Variants in CFAP299 observed in about 807,000 individuals in gnomAD.
CFAP299 encodes cilia and flagella associated protein 299.
Under a neutral mutation model 27.0 loss-of-function variants are expected in CFAP299, and 21 were observed. The ratio of observed to expected loss-of-function variants is 0.78; its 90% CI spans 0.55 to 1.12. The LOEUF is 1.12. Ranked by LOEUF, CFAP299 falls within the 50% of genes most tolerant of loss-of-function variation. The pLI, the probability that CFAP299 is intolerant of heterozygous loss-of-function variation, is 0.00. For synonymous variants in CFAP299, 104 were observed against 98.1 expected (o/e 1.06, Z -0.36); for missense variants, 310 against 276.6 (o/e 1.12, Z -0.86).
At chr4:80,807,332 C>T (rs1254433749) in intron 3 of CFAP299, among the ~76,000 whole-genome samples, 5 of 151,998 alleles carry the variant, frequency 3.3e-5, no homozygotes, top group African/African-American at 1.2e-4. Flanking sequence ...ACAACCATTT[C>T]ATGAATCACA....
At chr4:80,611,528 A>G (rs973559912) in intron 3 of CFAP299, among the ~76,000 whole-genome samples, 2 of 152,076 alleles carry the variant, frequency 1.3e-5, no homozygotes, top group Non-Finnish European at 1.5e-5. Flanking sequence ...GTGGTTGCCC[A>G]TAATACCATA....
chr4:80,386,705 G>A, intron 2 of CFAP299: 3 of 1,575,158 alleles, frequency 1.9e-6, no homozygotes, highest in Non-Finnish European at 2.6e-6. Context: ...GCTGCACAGG[G>A]CGCATTTGTG....
intron 3 of CFAP299, among the ~76,000 whole-genome samples, chr4:80,731,894 T>C (rs867959764): frequency 6.6e-6 from 1 of 152,198 alleles, no homozygotes; most frequent in African/African-American, 2.4e-5. Flanking sequence ...CTGATTTGTT[T>C]TTATAATCCA....
chr4:80,368,090 A>T (rs569729662), intron 2 of CFAP299, among the ~76,000 whole-genome samples: 2 of 152,288 alleles, frequency 1.3e-5, no homozygotes, highest in South Asian at 4.1e-4. Flanking sequence ...TGAGATAATG[A>T]CCTTATTTTG....
chr4:80,657,710 G>A (rs908817561), intron 3 of CFAP299, among the ~76,000 whole-genome samples: 8 of 152,008 alleles, frequency 5.3e-5, no homozygotes, highest in Admixed American at 2.6e-4. Flanking sequence ...TTGCTAGATG[G>A]GCTCTTTTTT....
chr4:80,857,540 G>C (rs1731994175), intron 3 of CFAP299, among the ~76,000 whole-genome samples: 2 of 152,106 alleles, frequency 1.3e-5, no homozygotes, highest in Non-Finnish European at 2.9e-5. Context: ...TTGGCTGTTG[G>C]TTTGTCATAG....
chr4:80,488,755 C>T (rs953186172), intron 2 of CFAP299, among the ~76,000 whole-genome samples: 10 of 152,136 alleles, frequency 6.6e-5, no homozygotes, highest in African/African-American at 1.7e-4. Context: ...GGATTACAGG[C>T]GTGAGCCACC....
intron 3 of CFAP299, among the ~76,000 whole-genome samples, chr4:80,667,754 G>A (rs1366911818): frequency 1.3e-5 from 2 of 151,960 alleles, no homozygotes; most frequent in Middle Eastern, 3.2e-3. Flanking sequence ...CTATATTTTG[G>A]CTGTTGTGAA....
intron 4 of CFAP299, among the ~76,000 whole-genome samples, chr4:80,924,532 GTGTGTGTA>G (rs1444007331): frequency 0.035 from 5,037 of 142,148 alleles, 263 homozygotes; most frequent in African/African-American, 0.12. Flanking sequence ...GTGTGTGTGT[GTGTGTGTA>G]TATATATATA....
At chr4:80,692,195 CTTAAAGT>C (rs1476203205) in intron 3 of CFAP299, among the ~76,000 whole-genome samples, 1 of 152,202 alleles carries the variant, frequency 6.6e-6, no homozygotes, top group East Asian at 1.9e-4. Context: ...GAAAAACTAC[CTTAAAGT>C]TTATATGGCA....
At chr4:80,848,243 T>G (rs75454213) in intron 3 of CFAP299, among the ~76,000 whole-genome samples, 47 of 151,758 alleles carry the variant, frequency 3.1e-4, no homozygotes, top group African/African-American at 1.0e-3. Context: ...TTGATAAACA[T>G]ATGCTGTCCA....
chr4:80,565,528 A>T (rs1236162444), intron 2 of CFAP299, among the ~76,000 whole-genome samples: 1 of 152,102 alleles, frequency 6.6e-6, no homozygotes, highest in Admixed American at 6.6e-5. Context: ...AACTTCTGTA[A>T]ATCTTAAGTT....
chr4:80,709,229 C>A lies in CFAP299; in HGVS notation c.333+126046C>A, dbSNP rs187283404. Among the ~76,000 whole-genome samples the A allele has an allele frequency of 5.0e-3, 768 of 152,102 alleles. 4 individuals are homozygous for A. The highest frequency in any genetic ancestry group is 0.02 in the Middle Eastern group (6 of 294). On this transcript the variant is annotated intron_variant, in intron 3 of 5. Coordinates refer to ENST00000358105, the MANE Select transcript of CFAP299 (RefSeq NM_152770.3). ...TTTTTTATTCACCCACATGTTTTAC[C>A]TTTGTAAAGGATGTGGCTTCTTTGA...
rs117377403 is a variant in CFAP299 at position 80,575,035 on chromosome 4, G to A, written c.243-8058G>A. ...TTTTCAGAATAGTTTGAGTAGGATT[G>A]GTATTTGTTGTTCTTTAAATGTGTG... On this transcript the variant is annotated intron_variant, in intron 2 of 5. Coordinates refer to ENST00000358105, the MANE Select transcript of CFAP299 (RefSeq NM_152770.3). Among the ~76,000 whole-genome samples, 670 of 152,136 alleles carry A rather than the reference G, an allele frequency of 4.4e-3. 29 individuals carry two copies. In the East Asian group the frequency reaches 0.099, roughly 23 times the overall value.
At chr4:80,483,131 G>A (rs553300686) in intron 2 of CFAP299, among the ~76,000 whole-genome samples, 5 of 152,316 alleles carry the variant, frequency 3.3e-5, no homozygotes, top group Admixed American at 1.3e-4. Context: ...TGGAGGAGGG[G>A]GGCAGAAAAA....
chr4:80,533,001 T>G (rs1733551344), intron 2 of CFAP299, among the ~76,000 whole-genome samples: 1 of 152,284 alleles, frequency 6.6e-6, no homozygotes, highest in Non-Finnish European at 1.5e-5. Context: ...TCTTGATAAT[T>G]TATTGTTTTT....
intron 3 of CFAP299, among the ~76,000 whole-genome samples, chr4:80,716,214 A>G (rs1218938103): frequency 6.6e-6 from 1 of 152,028 alleles, no homozygotes; most frequent in Non-Finnish European, 1.5e-5. Flanking sequence ...ATATTATTGC[A>G]ATATGACTTC....
chr4:80,435,697 T>C (rs1392674810), intron 2 of CFAP299, among the ~76,000 whole-genome samples: 1 of 152,198 alleles, frequency 6.6e-6, no homozygotes, highest in Non-Finnish European at 1.5e-5. Context: ...GACTTCCAGA[T>C]GGGCCTTACC....
At chr4:80,542,535 A>G (rs907406760) in intron 2 of CFAP299, among the ~76,000 whole-genome samples, 5 of 152,114 alleles carry the variant, frequency 3.3e-5, no homozygotes, top group African/African-American at 7.2e-5. Context: ...AGCCCTGAAC[A>G]ACTCCTGTGG....
Sources: allele counts gnomAD v4.1 joint callset (sites outside exome capture counted in the v4.1 genomes callset), GRCh38; gene constraint gnomAD v4.1.1; transcripts MANE v1.5; gene names NCBI Gene and HGNC (gene_info 2026-07-23, HGNC 2026-07-21).